Variants in FMN1 observed in about 807,000 individuals in gnomAD.
FMN1 encodes the protein formin 1.
A neutral mutation model predicts 132.4 loss-of-function variants in FMN1; 110 were observed. The ratio of observed to expected loss-of-function variants is 0.83; its 90% CI spans 0.71 to 0.97. FMN1 has a LOEUF of 0.97. Among genes scored for constraint, FMN1 ranks in the 50% least tolerant of loss-of-function variants. The pLI, the probability that FMN1 is intolerant of heterozygous loss-of-function variation, is 0.00. For missense variants in FMN1, 1,792 were observed against 1,705.3 expected (o/e 1.05, Z -0.90); for synonymous variants, 722 against 651.7 (o/e 1.11, Z -1.64).
chr15:33,037,937 C>G (rs2036260356), intron 6 of FMN1, among the ~76,000 whole-genome samples: 1 of 152,176 alleles, frequency 6.6e-6, no homozygotes, highest in Non-Finnish European at 1.5e-5. Context: ...TAAAATAAAA[C>G]TATTATGGTT....
intron 20 of FMN1, among the ~76,000 whole-genome samples, chr15:32,775,171 T>C (rs575586974): frequency 6.6e-6 from 1 of 152,320 alleles, no homozygotes; most frequent in East Asian, 1.9e-4. Flanking sequence ...TGAGATATGA[T>C]GTTGCAGTGA....
intron 5 of FMN1, among the ~76,000 whole-genome samples, chr15:33,077,154 G>A (rs746235965): frequency 1.3e-5 from 2 of 151,990 alleles, no homozygotes; most frequent in African/African-American, 4.8e-5. Context: ...CCTCAGCCCC[G>A]AGTAGCTGGG....
intron 9 of FMN1, among the ~76,000 whole-genome samples, chr15:32,947,456 G>A (rs1007535726): frequency 6.6e-6 from 1 of 151,880 alleles, no homozygotes; most frequent in Non-Finnish European, 1.5e-5. Flanking sequence ...CTTTATATGA[G>A]GTAGAATATC....
chr15:32,908,301 C>A, intron 12 of FMN1, 189 bp downstream of exon 12: 1 of 534,662 alleles, frequency 1.9e-6, no homozygotes, highest in Non-Finnish European at 3.4e-6. Context: ...CTGTATCCAA[C>A]AGCACAAATC....
intron 16 of FMN1, among the ~76,000 whole-genome samples, chr15:32,870,217 CCAT>C (rs1442426027): frequency 6.6e-6 from 1 of 152,164 alleles, no homozygotes; most frequent in Non-Finnish European, 1.5e-5. Flanking sequence ...ACTCCCAAAG[CCAT>C]CATGTCATAA....
At chr15:33,109,326 T>C (rs1158883188) in intron 4 of FMN1, among the ~76,000 whole-genome samples, 1 of 151,920 alleles carries the variant, frequency 6.6e-6, no homozygotes, top group Non-Finnish European at 1.5e-5. Context: ...AAAATAAAAA[T>C]AAACAACCAA....
chr15:32,905,485 A>C (rs1402373863), intron 12 of FMN1, among the ~76,000 whole-genome samples: 2 of 152,186 alleles, frequency 1.3e-5, no homozygotes, highest in Non-Finnish European at 2.9e-5. Context: ...GGCCTAATCA[A>C]ACCCAGTAGA....
chr15:32,870,054 C>T (rs2059479614), intron 16 of FMN1, among the ~76,000 whole-genome samples: 1 of 152,108 alleles, frequency 6.6e-6, no homozygotes, highest in African/African-American at 2.4e-5. Context: ...TTTTCCTGGT[C>T]AAGTGCTAAA....
chr15:32,890,403 T>C (rs1248731427), intron 15 of FMN1, among the ~76,000 whole-genome samples: 3 of 152,172 alleles, frequency 2.0e-5, no homozygotes, highest in Non-Finnish European at 2.9e-5. Context: ...TGTAGAACTG[T>C]TCCCTGATCA....
Position 33,154,745 on chromosome 15 carries a change from G to A in FMN1, c.170C>T (p.Ser57Leu), listed in dbSNP as rs1566957154. 1.3e-6 allele frequency: 2 copies of A among 1,536,112 alleles called. No individual in the cohort carries two copies. Among genetic ancestry groups the A allele is most frequent in the East Asian group, 4.9e-5 (2 of 40,914 alleles). ...FHNCYQVREE[S>L]DIISLSQEPD... is the part of the protein sequence containing the mutation. ...CTCCTGGCTGAGGCTGATGATGTCTGACTCCTCCCTGACTTGGTAGCAGTT... is the reference window on the plus strand; with the variant it reads ...CTCCTGGCTGAGGCTGATGATGTCTAACTCCTCCCTGACTTGGTAGCAGTT... Residue 57 changes from serine to leucine, a missense_variant, in exon 4 of 21, where the codon TCA (serine) becomes TTA (leucine). Ser to Leu is a moderately radical substitution (Grantham distance 145). Coordinates refer to ENST00000616417, the MANE Select transcript of FMN1 (RefSeq NM_001277313.2).
intron 5 of FMN1, chr15:33,066,424 A>G: frequency 9.1e-7 from 1 of 1,099,096 alleles, no homozygotes; most frequent in Non-Finnish European, 1.3e-6. Context: ...ACTAACAGGC[A>G]ACTAGGATTC....
intron 4 of FMN1, chr15:33,150,429 T>C (rs1460529133): frequency 1.0e-6 from 1 of 985,466 alleles, no homozygotes; most frequent in Non-Finnish European, 1.2e-6. Flanking sequence ...CAGTTCTTGT[T>C]AGTATATTCT....
At chr15:33,067,807 A>T (rs768086362) in intron 5 of FMN1, 1 of 1,614,018 alleles carries the variant, frequency 6.2e-7, no homozygotes, top group Non-Finnish European at 8.5e-7. Context: ...GGATCGACTG[A>T]GCCACTTCAA....
At chr15:33,110,499 T>C (rs72721480) in intron 4 of FMN1, among the ~76,000 whole-genome samples, 8,074 of 152,044 alleles carry the variant, frequency 0.053, 319 homozygotes, top group South Asian at 0.11. Flanking sequence ...TATTTTTCTA[T>C]AATGGCCATA....
chr15:32,850,228 G>A (rs1001818352), intron 17 of FMN1, among the ~76,000 whole-genome samples: 16 of 151,786 alleles, frequency 1.1e-4, no homozygotes, highest in Admixed American at 3.3e-4. Flanking sequence ...GACCTTTCCT[G>A]ATCTCTGTAA....
intron 7 of FMN1, among the ~76,000 whole-genome samples, chr15:32,992,580 G>T (rs1052711042): frequency 1.3e-4 from 20 of 152,106 alleles, no homozygotes; most frequent in African/African-American, 4.3e-4. Flanking sequence ...ATCTGTGGGA[G>T]AAATAAAGAA....
chr15:33,131,289 A>T (rs1298205260), intron 4 of FMN1, among the ~76,000 whole-genome samples: 1 of 144,228 alleles, frequency 6.9e-6, no homozygotes, highest in African/African-American at 2.6e-5. Flanking sequence ...AGATCGCTCC[A>T]CTGCACTCCA....
chr15:33,073,213 G>T (rs2038066759), intron 5 of FMN1, among the ~76,000 whole-genome samples: 1 of 152,212 alleles, frequency 6.6e-6, no homozygotes, highest in Non-Finnish European at 1.5e-5. Context: ...AAGGCAACGT[G>T]AAAGTAAAGC....
chr15:33,123,038 A>G (rs1300083595), intron 4 of FMN1, among the ~76,000 whole-genome samples: 1 of 151,614 alleles, frequency 6.6e-6, no homozygotes, highest in Non-Finnish European at 1.5e-5. Context: ...TGTTCACACA[A>G]CTAAATAGGT....
Sources: gnomAD v4.1 joint callset for allele counts (sites outside exome capture counted in the v4.1 genomes callset) on GRCh38, gnomAD v4.1.1 for gene constraint, MANE v1.5 for transcripts, NCBI Gene and HGNC (gene_info 2026-07-23, HGNC 2026-07-21) for gene names.